The following ADGRB1 variants were observed in gnomAD, a reference collection of about 807,000 sequenced individuals.
The protein encoded by ADGRB1 is adhesion G protein-coupled receptor B1.
Under a neutral mutation model 175.7 loss-of-function variants are expected in ADGRB1, and 36 were observed. The ratio of observed to expected loss-of-function variants is 0.20; its 90% CI spans 0.16 to 0.27. The LOEUF (loss-of-function observed/expected upper bound fraction) is 0.27. ADGRB1 is among the 10% of genes least tolerant of loss of function. The pLI is 1.00. For missense variants in ADGRB1, 1,731 were observed against 2,255.3 expected (o/e 0.77, Z 4.71); for synonymous variants, 1,054 against 979.4 (o/e 1.08, Z -1.42).
chr8:142,478,762 G>T (rs1237327353), intron 7 of ADGRB1, among the ~76,000 whole-genome samples: 3 of 148,842 alleles, frequency 2.0e-5, no homozygotes, highest in Admixed American at 6.7e-5. Flanking sequence ...TGGGACTTGG[G>T]GTGTCTGTGG....
chr8:142,452,785 G>C (rs4977030), intron 1 of ADGRB1, among the ~76,000 whole-genome samples: 1,916 of 151,908 alleles, frequency 0.013, 13 homozygotes, highest in Non-Finnish European at 0.015. Context: ...GCCCGACCCC[G>C]CCTCCGGGAG....
chr8:142,527,823 G>A (rs4977036), intron 24 of ADGRB1, among the ~76,000 whole-genome samples: 30,507 of 152,178 alleles, frequency 0.2, 3,658 homozygotes, highest in East Asian at 0.34. Context: ...AATAACCATT[G>A]TGGCAGATTC....
At position 142,511,753 on chromosome 8, in the gene ADGRB1, G is replaced by A. The variant is rs149063780; in HGVS notation, c.2817+680G>A. Among the ~76,000 whole-genome samples the A allele has an allele frequency of 8.6e-3, 1,312 of 152,324 alleles. 29 individuals carry two copies. The highest frequency in any genetic ancestry group is 0.03 in the African/African-American group (1,249 of 41,576). ...CGGGTGGGCTCTCTTGCTTTGGGCC[G>A]GCCAAGCTGCACCCCCTGGCCTGAG... On this transcript the variant is annotated intron_variant, in intron 18 of 30. Transcript: ENST00000517894. This position sits in a 1 kb window ranked among gnomAD's most constrained non-coding sequence, Gnocchi z 4.5.
At chr8:142,526,886 G>T (rs1314498311) in intron 24 of ADGRB1, among the ~76,000 whole-genome samples, 1 of 152,188 alleles carries the variant, frequency 6.6e-6, no homozygotes. Context: ...GAGACTGATT[G>T]TGCAGGGACA....
chr8:142,516,262 GTC>G (rs1587389551), intron 18 of ADGRB1, among the ~76,000 whole-genome samples: 5 of 143,310 alleles, frequency 3.5e-5, no homozygotes, highest in East Asian at 2.1e-4. Context: ...AGGTGCGTGC[GTC>G]TGTGCGGGCC....
intron 1 of ADGRB1, among the ~76,000 whole-genome samples, chr8:142,459,544 G>A (rs970675038): frequency 2.0e-5 from 3 of 152,144 alleles, no homozygotes; most frequent in Non-Finnish European, 4.4e-5. Flanking sequence ...TCCCAGCCCC[G>A]TCTCTGTCCC....
chr8:142,531,014 C>A (rs1050540998), intron 24 of ADGRB1, among the ~76,000 whole-genome samples: 23 of 152,218 alleles, frequency 1.5e-4, no homozygotes, highest in Admixed American at 6.5e-4. Flanking sequence ...CGCAGCAGAT[C>A]GGGCTGTAAA....
intron 13 of ADGRB1, among the ~76,000 whole-genome samples, chr8:142,485,443 C>A (rs1841619171): frequency 6.6e-6 from 1 of 152,236 alleles, no homozygotes; most frequent in African/African-American, 2.4e-5. Flanking sequence ...GTGATCCCTG[C>A]TACTAGGGAG....
At chr8:142,473,322 T>C (rs1405296650) in intron 2 of ADGRB1, among the ~76,000 whole-genome samples, 1 of 152,162 alleles carries the variant, frequency 6.6e-6, no homozygotes, top group Non-Finnish European at 1.5e-5. Context: ...ACCCCGTCTG[T>C]GCCTTTGCCT....
chr8:142,466,335 T>C (rs1251984534), intron 2 of ADGRB1, among the ~76,000 whole-genome samples: 1 of 152,178 alleles, frequency 6.6e-6, no homozygotes, highest in African/African-American at 2.4e-5. Context: ...TACGCAGGGC[T>C]ACAGAGGAAG....
intron 4 of ADGRB1, 54 bp downstream of exon 4, chr8:142,476,749 A>G (rs1473873618): frequency 7.6e-6 from 11 of 1,452,456 alleles, no homozygotes; most frequent in Non-Finnish European, 1.0e-5. Flanking sequence ...AAATACTGTA[A>G]GTTATCAATT....
At chr8:142,495,942 GGTGGGTGGGTGGATGGGTGGATGGATAC>G (rs1374926728) in intron 17 of ADGRB1, among the ~76,000 whole-genome samples, 2 of 149,482 alleles carry the variant, frequency 1.3e-5, no homozygotes, top group Non-Finnish European at 3.0e-5. Flanking sequence ...TGGATGGATA[GGTGGGTGGGTGGATGGGTGGATGGATAC>G]GTGGGTGGCT....
intron 17 of ADGRB1, among the ~76,000 whole-genome samples, chr8:142,502,465 C>A (rs370077230): frequency 0.98 from 6,583 of 6,694 alleles, 3,261 homozygotes; most frequent in Middle Eastern, 1. Context: ...GTGGTGCAGT[C>A]ATCACTGTGG....
At chr8:142,529,890 G>A (rs1028924034) in intron 24 of ADGRB1, among the ~76,000 whole-genome samples, 1 of 150,312 alleles carries the variant, frequency 6.7e-6, no homozygotes, top group Non-Finnish European at 1.5e-5. Flanking sequence ...ATGTGAACGT[G>A]CATCTGTGTG....
At position 142,464,092 on chromosome 8, in the gene ADGRB1, C is replaced by A; in HGVS notation, c.-107C>A. The A allele has an allele frequency of 1.1e-6, 1 of 928,902 alleles. No homozygotes were observed. Among genetic ancestry groups the A allele is most frequent in the Non-Finnish European group, 1.4e-6 (1 of 725,058 alleles). 57.5% of individuals were successfully genotyped at this position (928,902 alleles called of 1,614,324 possible). On this transcript the variant is annotated 5_prime_UTR_variant, in exon 2 of 31. In the 5' UTR this introduces an upstream ATG that the reference lacks. Coordinates refer to ENST00000517894, the MANE Select transcript of ADGRB1 (RefSeq NM_001702.3). ...CCCATCCCACCCTTGCCCCGCCTCC[C>A]TGCCCCCACCGGGCCGGCCCTGCCC...
Position 142,492,395 on chromosome 8 carries a change from C to T in ADGRB1, c.2675+1580C>T, listed in dbSNP as rs77468638. On this transcript the variant is annotated intron_variant, in intron 17 of 30. Transcript: ENST00000517894. The surrounding 1 kb of genome is among the most constrained non-coding windows in gnomAD (Gnocchi z 4.4). ...ACAGACGGAGCAGTGTGGTGATGCC[C>T]GGCCGTGCATGGGCCGGGAAGGGAA... Among the ~76,000 whole-genome samples, 2,918 of 152,226 alleles carry T rather than the reference C, an allele frequency of 0.019. 62 individuals are homozygous for T. The highest frequency in any genetic ancestry group is 0.05 in the African/African-American group (2,065 of 41,536).
At chr8:142,450,282 A>G (rs1285891804) in intron 1 of ADGRB1, among the ~76,000 whole-genome samples, 178 bp downstream of exon 1, 1 of 136,238 alleles carries the variant, frequency 7.3e-6, no homozygotes, top group Non-Finnish European at 1.6e-5. Context: ...CTACCCCCTC[A>G]GCCCCCTGCC....
At chr8:142,501,489 GGTGGT>G (rs1222217086) in intron 17 of ADGRB1, among the ~76,000 whole-genome samples, 27 of 140,808 alleles carry the variant, frequency 1.9e-4, no homozygotes, top group African/African-American at 6.2e-4. Flanking sequence ...ATGATGGGGT[GGTGGT>G]AGTGATGTTT....
chr8:142,478,498 T>G (rs1411322515), intron 7 of ADGRB1, 138 bp downstream of exon 7: 1 of 1,035,638 alleles, frequency 9.7e-7, no homozygotes, highest in Non-Finnish European at 1.3e-6. Flanking sequence ...CACAGTGGGG[T>G]CTGGGGTGGC....
Sources: allele counts gnomAD v4.1 joint callset (sites outside exome capture counted in the v4.1 genomes callset), GRCh38; gene constraint gnomAD v4.1.1; non-coding constraint Gnocchi (gnomAD v3.1); transcripts MANE v1.5; gene names NCBI Gene and HGNC (gene_info 2026-07-23, HGNC 2026-07-21).